HIBCH: variants seen among roughly 807,000 people sequenced by gnomAD.
HIBCH encodes 3-hydroxyisobutyryl-CoA hydrolase, also known as 3-hydroxyisobutyryl-CoA hydrolase, mitochondrial.
Under a neutral mutation model 58.2 loss-of-function variants are expected in HIBCH, and 50 were observed. The observed-to-expected ratio is 0.86, with a 90% CI of 0.68 to 1.09. HIBCH has a LOEUF of 1.09. Among genes scored for constraint, HIBCH ranks in the 50% least tolerant of loss-of-function variants. HIBCH has a pLI of 0.00. For synonymous variants in HIBCH, 151 were observed against 146.9 expected, an observed-to-expected ratio of 1.03 and a Z score of -0.20; for missense variants, 450 against 449.7, an observed-to-expected ratio of 1.00 and a Z score of -0.01.
intron 7 of HIBCH, 22 bp downstream of exon 7, chr2:190,261,134 A>T (rs758329072): frequency 1.9e-6 from 3 of 1,554,750 alleles, no homozygotes; most frequent in Non-Finnish European, 2.7e-6. Context: ...AAGTAATTAT[A>T]AAAAAAATTC....
chr2:190,273,149 T>C (rs1353571774), intron 6 of HIBCH, among the ~76,000 whole-genome samples: 1 of 152,186 alleles, frequency 6.6e-6, no homozygotes, highest in Non-Finnish European at 1.5e-5. Context: ...TCCCAGCACT[T>C]TGGGAGGCTG....
intron 11 of HIBCH, among the ~76,000 whole-genome samples, chr2:190,242,263 G>A (rs774879420): frequency 2.6e-5 from 4 of 151,442 alleles, no homozygotes; most frequent in South Asian, 4.2e-4. Context: ...ATTGATACTC[G>A]TTCTTCAAGA....
At chr2:190,296,711 T>A in intron 3 of HIBCH, 102 bp downstream of exon 3, 1 of 1,077,742 alleles carries the variant, frequency 9.3e-7, no homozygotes, top group Non-Finnish European at 1.4e-6. Flanking sequence ...TAGATGCATA[T>A]CCCAGAGAAT....
chr2:190,311,793 G>C (rs760572389), intron 1 of HIBCH, among the ~76,000 whole-genome samples: 7 of 152,170 alleles, frequency 4.6e-5, no homozygotes, highest in Non-Finnish European at 1.0e-4. Context: ...TGGAAAAGTA[G>C]TGACAAATCA....
intron 11 of HIBCH, among the ~76,000 whole-genome samples, chr2:190,232,839 T>C (rs1416437994): frequency 6.6e-6 from 1 of 151,996 alleles, no homozygotes; most frequent in East Asian, 1.9e-4. Context: ...GCACCTGTAG[T>C]CCCAGCTACT....
chr2:190,313,101 G>C (rs1213783371), intron 1 of HIBCH, among the ~76,000 whole-genome samples: 1 of 152,168 alleles, frequency 6.6e-6, no homozygotes, highest in Non-Finnish European at 1.5e-5. Context: ...ATAACTGTTA[G>C]AAATAATAAT....
Position 190,290,466 on chromosome 2 carries a change from CT to C in HIBCH, c.323del (p.Lys108ArgfsTer6). ...AAACTGGAGCTATCTTCTGTTTTGC[CT>C]TTTCAGCTTCCGAGATCACTAGGAA... ...GDIRVISEAE[K>X]AKQKIAPVFF... On this transcript the variant is annotated frameshift_variant, in exon 5 of 14. Coordinates refer to ENST00000359678, the MANE Select transcript of HIBCH (RefSeq NM_014362.4). LOFTEE classifies it high-confidence loss of function. The C allele has an allele frequency of 6.2e-7, 1 of 1,609,602 alleles. No homozygotes were observed. The highest frequency in any genetic ancestry group is 8.5e-7 in the Non-Finnish European group (1 of 1,176,874).
At position 190,211,865 on chromosome 2, in the gene HIBCH, G is replaced by A. The variant is rs963997135; in HGVS notation, c.1011+1091C>T. Among the ~76,000 whole-genome samples, 4 of 152,164 alleles carry A rather than the reference G, an allele frequency of 2.6e-5. No individual in the cohort carries two copies. Among genetic ancestry groups the A allele is most frequent in the African/African-American group, 9.7e-5 (4 of 41,432 alleles). On this transcript the variant is annotated intron_variant, in intron 12 of 13. Coordinates refer to ENST00000359678, the MANE Select transcript of HIBCH (RefSeq NM_014362.4). This position sits in a 1 kb window ranked among gnomAD's most constrained non-coding sequence, Gnocchi z 5.0. ...TGCCTGGGACATAGCTAACATATTTGCTGAGAGAATGAAGGCAAGAATCAA... is the reference window on the plus strand; with the variant it reads ...TGCCTGGGACATAGCTAACATATTTACTGAGAGAATGAAGGCAAGAATCAA...
chr2:190,207,203 C>G lies in HIBCH; in HGVS notation c.1045+1677G>C, dbSNP rs1183729035. Among the ~76,000 whole-genome samples the G allele has an allele frequency of 6.6e-6, 1 of 152,168 alleles. No homozygotes were observed. The highest frequency in any genetic ancestry group is 1.5e-5 in the Non-Finnish European group (1 of 68,016). ...GAACTTTGATGCTGATTGGTTTCAA[C>G]ATTTTTTCCTCAAAATAACAGTATT... On this transcript the variant is annotated intron_variant, in intron 13 of 13. Transcript: ENST00000359678. The surrounding 1 kb of genome is among the most constrained non-coding windows in gnomAD (Gnocchi z 4.5).
chr2:190,256,759 AC>A (rs1452795830), intron 7 of HIBCH, among the ~76,000 whole-genome samples: 1 of 152,156 alleles, frequency 6.6e-6, no homozygotes, highest in Admixed American at 6.5e-5. Flanking sequence ...GAAGTTAGAG[AC>A]ACAGAAAATT....
At chr2:190,253,256 G>A (rs892443786) in intron 7 of HIBCH, among the ~76,000 whole-genome samples, 10 of 151,826 alleles carry the variant, frequency 6.6e-5, no homozygotes, top group African/African-American at 2.4e-4. Context: ...CACTCCTTTG[G>A]GTGTTTAAGA....
rs768615615 is a variant in HIBCH, at chr2:190,319,763, C to G, written c.-13G>C. 16 of 1,610,668 alleles carry G rather than the reference C, an allele frequency of 9.9e-6. No homozygotes were observed. The highest frequency in any genetic ancestry group is 8.0e-5 in the African/African-American group (6 of 74,894). ...CGCGCTGCCCCATCGCCAAACACTCCGAAGCTAAAGCAGCAGAGCGAGAAT... is the reference window on the plus strand; with the variant it reads ...CGCGCTGCCCCATCGCCAAACACTCGGAAGCTAAAGCAGCAGAGCGAGAAT... On this transcript the variant is annotated 5_prime_UTR_variant, in exon 1 of 14. Transcript: ENST00000359678.
At chr2:190,220,768 C>T (rs924845091) in intron 11 of HIBCH, among the ~76,000 whole-genome samples, 3 of 151,888 alleles carry the variant, frequency 2.0e-5, no homozygotes, top group Non-Finnish European at 2.9e-5. Flanking sequence ...CCATCTATTA[C>T]CTTAGGTGAA....
In HIBCH at chr2:190,301,261, C is replaced by G. The variant is rs902437092; in HGVS notation, c.79-4308G>C. On this transcript the variant is annotated intron_variant, in intron 2 of 13. Coordinates refer to ENST00000359678, the MANE Select transcript of HIBCH (RefSeq NM_014362.4). ...TATCTGCAGGGAGGGGAAGGAAAAC[C>G]CTCAAGCTTGTAGCCCTAGGTCTAT... Among the ~76,000 whole-genome samples the G allele has an allele frequency of 1.9e-4, 29 of 152,062 alleles. 1 individual carries two copies. The highest frequency in any genetic ancestry group is 4.4e-5 in the Non-Finnish European group (3 of 68,008).
At chr2:190,247,366 A>G (rs189193107) in intron 9 of HIBCH, among the ~76,000 whole-genome samples, 46 of 152,246 alleles carry the variant, frequency 3.0e-4, no homozygotes, top group Non-Finnish European at 5.1e-4. Context: ...TTCATCACAT[A>G]TTTACTCAAT....
intron 2 of HIBCH, among the ~76,000 whole-genome samples, chr2:190,302,448 C>G (rs1688289106): frequency 6.6e-6 from 1 of 152,154 alleles, no homozygotes; most frequent in African/African-American, 2.4e-5. Flanking sequence ...AATGGAGGCC[C>G]ACTGTGTGCA....
chr2:190,280,898 T>C (rs1429218577), intron 6 of HIBCH: 1 of 152,208 alleles, frequency 6.6e-6, no homozygotes, highest in Non-Finnish European at 1.5e-5. Flanking sequence ...CTAAAACTTT[T>C]TAATAAACTG....
rs1421862102 is a variant in HIBCH at position 190,315,808 on chromosome 2, A to T, written c.35+3908T>A. ...TCAATGGAAAGGAATGTCAAAAATG[A>T]CTTTAAGATTTCAAGCCAGGACAAC... is the stretch of plus-strand genomic sequence containing the variant. On this transcript the variant is annotated intron_variant, in intron 1 of 13. Transcript: ENST00000359678. The surrounding 1 kb of genome is among the most constrained non-coding windows in gnomAD (Gnocchi z 5.4). 6.6e-6 allele frequency among the ~76,000 whole-genome samples: 1 copy of T among 152,220 alleles called. No individual in the cohort carries two copies. Among genetic ancestry groups the T allele is most frequent in the African/African-American group, 2.4e-5 (1 of 41,460 alleles).
intron 11 of HIBCH, among the ~76,000 whole-genome samples, chr2:190,231,358 T>C (rs1236952710): frequency 6.6e-6 from 1 of 152,142 alleles, no homozygotes; most frequent in Non-Finnish European, 1.5e-5. Context: ...TAAATCAGAC[T>C]TCCTCAAAAT....
Sources: allele counts gnomAD v4.1 joint callset (sites outside exome capture counted in the v4.1 genomes callset), GRCh38; gene constraint gnomAD v4.1.1; non-coding constraint Gnocchi (gnomAD v3.1); transcripts MANE v1.5; gene names NCBI Gene and HGNC (gene_info 2026-07-23, HGNC 2026-07-21).